PRB2: variants seen among roughly 807,000 people sequenced by gnomAD.
The protein encoded by PRB2 is proline rich protein BstNI subfamily 2.
Under a neutral mutation model 8.3 loss-of-function variants are expected in PRB2, and 12 were observed. That is an observed-to-expected ratio of 1.45 (90% confidence interval 0.93 to 2.35). The LOEUF is 2.35. Ranked by LOEUF, PRB2 falls within the 30% of genes most tolerant of loss-of-function variation. PRB2 has a pLI of 0.00. For synonymous variants in PRB2, 146 were observed against 180.0 expected (o/e 0.81, Z 1.51); for missense variants, 470 against 507.0 (o/e 0.93, Z 0.70).
Position 11,393,058 on chromosome 12 carries a change from T to A in PRB2, c.1020A>T (p.Pro340=), listed in dbSNP as rs527497030. The A allele has an allele frequency of 6.4e-7, 1 of 1,559,136 alleles. No homozygotes were observed. Among genetic ancestry groups the A allele is most frequent in the Non-Finnish European group, 8.7e-7 (1 of 1,153,910 alleles). ...GTGGTCCTTGTGGCTTTCCTGGAGG[T>A]GGGGGACCTTGAGGTTTGTTGCCTC... ...PQGGNKPQGP[P]PPGKPQGPPP... is the part of the protein sequence containing the mutation. The change falls in exon 3 of 4, where the codon CCA becomes CCT. Residue 340 remains proline, a synonymous_variant. Transcript: ENST00000389362.
chr12:11,393,879 G>A lies in PRB2; in HGVS notation c.199C>T (p.Gln67Ter), dbSNP rs371952299. ...GGAGGAGGTGGGGGACCTTGAGGCTGGTTGCCTCCTTGTGGGGGTGGTCCT... is the reference window on the plus strand; with the variant it reads ...GGAGGAGGTGGGGGACCTTGAGGCTAGTTGCCTCCTTGTGGGGGTGGTCCT... ...PQGPPPQGGN[Q>*]PQGPPPPPGK... is the part of the protein sequence containing the mutation. The change falls in exon 3 of 4, where the codon CAG becomes TAG. Residue 67 changes from glutamine to a stop codon, truncating the protein, a stop_gained. Coordinates refer to ENST00000389362, the MANE Select transcript of PRB2 (RefSeq NM_006248.4). LOFTEE classifies it low-confidence loss of function (END_TRUNC). 5.3e-6 allele frequency: 7 copies of A among 1,319,018 alleles called. No individual in the cohort carries two copies. The African/African-American group carries it at 1.4e-4, about 26-fold the overall frequency. The allele number at this position is 1,319,018 out of a possible 1,614,324, so 81.7% of individuals were successfully genotyped here. A position where few individuals can be genotyped will look rare whatever the true frequency, so the allele number is the denominator to read the frequency against.
rs1864336601 is a variant in PRB2, at chr12:11,392,924, C to T, written c.1154G>A (p.Gly385Glu). The T allele has an allele frequency of 6.2e-7, 1 of 1,607,598 alleles. No homozygotes were observed. The highest frequency in any genetic ancestry group is 1.1e-5 in the South Asian group (1 of 90,346). The change falls in exon 3 of 4, where the codon GGA (glycine) becomes GAA (glutamate). Residue 385 changes from glycine (G) to glutamate (E), a missense_variant. Around this residue, in one of 4 missense-constraint regions of PRB2, gnomAD observed 205 missense variants for 195.0 expected, o/e 1.05. Coordinates refer to ENST00000389362, the MANE Select transcript of PRB2 (RefSeq NM_006248.4). ...NNPQGPPPPA[G>E]GNPQQPQAPP... ...TGCCTGAGGCTGCTGGGGATTGCCTCCTGCTGGAGGTGGGGGACCTTGAGG... is the reference window on the plus strand; with the variant it reads ...TGCCTGAGGCTGCTGGGGATTGCCTTCTGCTGGAGGTGGGGGACCTTGAGG...
intron 2 of PRB2, 100 bp from the exon 3 acceptor site, chr12:11,394,077 T>C (rs1864368992): frequency 6.8e-7 from 1 of 1,474,852 alleles, no homozygotes; most frequent in Non-Finnish European, 9.4e-7. Flanking sequence ...ACAAGCTGAG[T>C]GGGGAAACAC....
At position 11,394,356 on chromosome 12, in the gene PRB2, A is replaced by G. The variant is rs191654741; in HGVS notation, c.100+139T>C. The stretch of plus-strand genomic sequence containing the variant: ...TGATGCCCAGAATCAAGGTTGCATG[A>G]AGAGTGCCTATATTATTAGGAGCAC... On this transcript the variant is annotated intron_variant, in intron 2 of 3. Coordinates refer to ENST00000389362, the MANE Select transcript of PRB2 (RefSeq NM_006248.4). 5.5e-5 allele frequency: 61 copies of G among 1,101,114 alleles called. No homozygotes were observed. The African/African-American group carries it at 7.7e-4, about 14-fold the overall frequency. 68.2% of individuals were successfully genotyped at this position (1,101,114 alleles called of 1,614,324 possible).
chr12:11,394,064 G>T, intron 2 of PRB2, 87 bp from the exon 3 acceptor site: 3 of 1,546,294 alleles, frequency 1.9e-6, no homozygotes, highest in South Asian at 2.3e-5. Context: ...ATCAGTTTGG[G>T]TAACAAGCTG....
chr12:11,394,469 C>A, intron 2 of PRB2, 26 bp downstream of exon 2: 1 of 1,610,004 alleles, frequency 6.2e-7, no homozygotes, highest in Non-Finnish European at 8.5e-7. Context: ...ACAGTCAGAA[C>A]AGATTGAGAA....
chr12:11,393,742 T>C lies in PRB2; in HGVS notation c.336A>G (p.Arg112=), dbSNP rs1284468373. The change falls in exon 3 of 4, where the codon CGA becomes CGG. Residue 112 remains arginine (R), a synonymous_variant. Coordinates refer to ENST00000389362, the MANE Select transcript of PRB2 (RefSeq NM_006248.4). ...PPQGDKSRSP[R]SPPGKPQGPP... The stretch of plus-strand genomic sequence containing the variant: ...GTCCTTGTGGCTTTCCTGGAGGAGA[T>C]CGGGGACTTCGGGACTTGTCTCCTT... 9 of 1,590,768 alleles carry C rather than the reference T, an allele frequency of 5.7e-6. No individual in the cohort carries two copies. Among genetic ancestry groups the C allele is most frequent in the Non-Finnish European group, 6.8e-6 (8 of 1,170,836 alleles).
At chr12:11,394,272 C>T (rs772128497) in intron 2 of PRB2, among the ~76,000 whole-genome samples, 82 of 152,258 alleles carry the variant, frequency 5.4e-4, no homozygotes, top group Non-Finnish European at 9.3e-4. Context: ...GATGAGGTAA[C>T]CCACTCCTGC....
intron 1 of PRB2, among the ~76,000 whole-genome samples, chr12:11,394,769 A>T (rs566878500): frequency 6.6e-6 from 1 of 152,214 alleles, no homozygotes; most frequent in East Asian, 1.9e-4. Context: ...CCTCCCTAGC[A>T]TCCCTCAAGA....
At chr12:11,394,053 T>G in intron 2 of PRB2, 76 bp from the exon 3 acceptor site, 1 of 1,590,010 alleles carries the variant, frequency 6.3e-7, no homozygotes. Context: ...AGTAAATTTT[T>G]ATCAGTTTGG....
In PRB2 at chr12:11,394,100, C is replaced by T. The variant is rs1006396610; in HGVS notation, c.101-123G>A. On this transcript the variant is annotated intron_variant, in intron 2 of 3. Coordinates refer to ENST00000389362, the MANE Select transcript of PRB2 (RefSeq NM_006248.4). Reference sequence around the variant, plus strand: ...AGTGGGGAAACACACAAAAATGAGACCAAGACATTAATTTCTTTGCATTTC... The same window carrying T: ...AGTGGGGAAACACACAAAAATGAGATCAAGACATTAATTTCTTTGCATTTC... 2.0e-5 allele frequency: 27 copies of T among 1,325,512 alleles called. No homozygotes were observed. The African/African-American group carries it at 3.5e-4, about 17-fold the overall frequency. The allele number at this position is 1,325,512 out of a possible 1,614,324, so 82.1% of individuals were successfully genotyped here.
rs376410191 is a variant in PRB2, at chr12:11,393,232, C to T, written c.846G>A (p.Lys282=). The T allele has an allele frequency of 1.9e-4, 278 of 1,445,094 alleles. 1 individual carries two copies. The highest frequency in any genetic ancestry group is 2.4e-4 in the Non-Finnish European group (262 of 1,079,770). 89.5% of individuals were successfully genotyped at this position (1,445,094 alleles called of 1,614,324 possible). A position where few individuals can be genotyped will look rare whatever the true frequency, so the allele number is the denominator to read the frequency against. The part of the protein sequence containing the change: ...NKPQGPPPPG[K]PQGPPPQGGS... Reference sequence around the variant, plus strand: ...CTCCTTGTGGGGGTGGTCCTTGTGGCTTTCCTGGAGGTGGGGGACCTTGAG... The same window carrying T: ...CTCCTTGTGGGGGTGGTCCTTGTGGTTTTCCTGGAGGTGGGGGACCTTGAG... Residue 282 remains lysine (K), a synonymous_variant, in exon 3 of 4, where the codon AAG becomes AAA. Coordinates refer to ENST00000389362, the MANE Select transcript of PRB2 (RefSeq NM_006248.4).
rs375260952 is a variant in PRB2, at chr12:11,393,899, G to A, written c.179C>T (p.Pro60Leu). The change falls in exon 3 of 4, where the codon CCA (proline) becomes CTA (leucine). Residue 60 changes from proline to leucine, a missense_variant. Transcript: ENST00000389362. Reference protein sequence around the residue: ...PPSPPGKPQGPPPQGGNQPQG... With the variant: ...PPSPPGKPQGLPPQGGNQPQG... Reference sequence around the variant, plus strand: ...AGGCTGGTTGCCTCCTTGTGGGGGTGGTCCTTGTGGCTTTCCTGGAGGAGA... The same window carrying A: ...AGGCTGGTTGCCTCCTTGTGGGGGTAGTCCTTGTGGCTTTCCTGGAGGAGA... The A allele has an allele frequency of 6.7e-7, 1 of 1,497,322 alleles. No individual in the cohort carries two copies. Among genetic ancestry groups the A allele is most frequent in the African/African-American group, 1.4e-5 (1 of 69,324 alleles). The allele number at this position is 1,497,322 out of a possible 1,614,324, so 92.8% of individuals were successfully genotyped here. A position where few individuals can be genotyped will look rare whatever the true frequency, so the allele number is the denominator to read the frequency against.
chr12:11,394,208 T>G (rs1252331302), intron 2 of PRB2, among the ~76,000 whole-genome samples: 1 of 152,052 alleles, frequency 6.6e-6, no homozygotes. Flanking sequence ...GGAGACAGAA[T>G]GAGGATGCTG....
intron 2 of PRB2, 99 bp downstream of exon 2, chr12:11,394,396 T>G (rs1864375386): frequency 2.8e-6 from 4 of 1,416,154 alleles, no homozygotes; most frequent in Non-Finnish European, 4.0e-6. Flanking sequence ...ATTAATCAAT[T>G]CCCGAAAGGA....
intron 1 of PRB2, among the ~76,000 whole-genome samples, chr12:11,395,243 C>T (rs1343214759): frequency 2.6e-5 from 4 of 152,008 alleles, no homozygotes; most frequent in South Asian, 2.1e-4. Context: ...GCAAATCTTA[C>T]CTTCTCATTC....
In PRB2 at chr12:11,395,509, T is replaced by C. The variant is rs1268184123; in HGVS notation, c.21A>G (p.Ser7=). 6.2e-7 allele frequency: 1 copy of C among 1,613,350 alleles called. No individual in the cohort carries two copies. The highest frequency in any genetic ancestry group is 1.7e-5 in the Admixed American group (1 of 59,966). The change falls in exon 1 of 4, where the codon TCA becomes TCG. Residue 7 remains serine, a synonymous_variant. Coordinates refer to ENST00000389362, the MANE Select transcript of PRB2 (RefSeq NM_006248.4). ...CTGAGCTCAGGGCCAGCAAGGCCAC[T>C]GACAGCAGAATCAACAGCATCTTGC... is the stretch of plus-strand genomic sequence containing the variant. The part of the protein sequence containing the change: MLLILL[S]VALLALSSAQ...
intron 2 of PRB2, 136 bp from the exon 3 acceptor site, chr12:11,394,113 T>C: frequency 7.9e-7 from 1 of 1,260,044 alleles, no homozygotes; most frequent in Non-Finnish European, 1.1e-6. Flanking sequence ...AGACATTAAT[T>C]TCTTTGCATT....
intron 1 of PRB2, among the ~76,000 whole-genome samples, 193 bp downstream of exon 1, chr12:11,395,273 T>G (rs1375028483): frequency 2.0e-5 from 3 of 152,124 alleles, no homozygotes; most frequent in Admixed American, 2.0e-4. Flanking sequence ...AAATTCTTTA[T>G]TGGATTTCAT....
Sources: gnomAD v4.1 joint callset for allele counts (sites outside exome capture counted in the v4.1 genomes callset) on GRCh38, gnomAD v4.1.1 for gene constraint, gnomAD v4.1.1 regional missense constraint, MANE v1.5 for transcripts, NCBI Gene and HGNC (gene_info 2026-07-23, HGNC 2026-07-21) for gene names.